ERI1: variants seen among roughly 807,000 people sequenced by gnomAD.
The protein encoded by ERI1 is 3'-5' exoribonuclease 1.
ERI1 carries 39 observed loss-of-function variants against 39.7 expected under a neutral mutation model. The ratio of observed to expected loss-of-function variants is 0.98; its 90% CI spans 0.76 to 1.28. The LOEUF (loss-of-function observed/expected upper bound fraction) is 1.28, where lower values mean the gene tolerates loss of function less well. Ranked by LOEUF, ERI1 falls within the 50% of genes most tolerant of loss-of-function variation. The pLI is 0.00. For synonymous variants in ERI1, 204 were observed against 149.6 expected (o/e 1.36, Z -2.65); for missense variants, 581 against 416.9 (o/e 1.39, Z -3.43).
downstream of ERI1, among the ~76,000 whole-genome samples, chr8:9,038,108 G>A (rs905480061): frequency 6.6e-6 from 1 of 152,060 alleles, no homozygotes; most frequent in African/African-American, 2.4e-5. Flanking sequence ...AAACAAAACA[G>A]GCTTCATTAT....
chr8:9,051,446 C>G (rs1192992146), intron 3 of ERI1, among the ~76,000 whole-genome samples: 2 of 152,050 alleles, frequency 1.3e-5, no homozygotes, highest in Middle Eastern at 3.2e-3. Flanking sequence ...CCCTTGAGGT[C>G]AGGAGTTCGA....
intron 3 of ERI1, chr8:9,062,909 G>C (rs895573681): frequency 3.9e-5 from 6 of 152,098 alleles, no homozygotes; most frequent in Non-Finnish European, 7.3e-5. Flanking sequence ...GCAAGCTCCT[G>C]GGGGAGGAGG....
Position 9,002,954 on chromosome 8 carries a change from A to G in ERI1, c.-110A>G. 2.5e-6 allele frequency: 2 copies of G among 786,392 alleles called. No individual in the cohort carries two copies. The highest frequency in any genetic ancestry group is 3.4e-6 in the Non-Finnish European group (2 of 580,342). 48.7% of individuals were successfully genotyped at this position (786,392 alleles called of 1,614,324 possible). A position where few individuals can be genotyped will look rare whatever the true frequency, so the allele number is the denominator to read the frequency against. ...AGTTTGTGTGGCCGCCGCCGCGGGA[A>G]CGCGAGCCCGGTAATTTTTCAACGG... is the stretch of plus-strand genomic sequence containing the variant. On this transcript the variant is annotated 5_prime_UTR_variant, in exon 1 of 7. Transcript: ENST00000250263.
intron 6 of ERI1, among the ~76,000 whole-genome samples, chr8:9,027,136 G>GGTGTGTGTGTGTGTGTGTGTGTGTGT (rs780775904): frequency 7.3e-6 from 1 of 137,502 alleles, no homozygotes; most frequent in African/African-American, 2.8e-5. Flanking sequence ...GTTATTTTCT[G>GGTGTGTGTGTGTGTGTGTGTGTGTGT]GTGTGTGTGT....
At chr8:9,063,643 G>T (rs566301127) in intron 3 of ERI1, among the ~76,000 whole-genome samples, 1 of 152,118 alleles carries the variant, frequency 6.6e-6, no homozygotes, top group Non-Finnish European at 1.5e-5. Flanking sequence ...TGAGTTGCAT[G>T]GGGAACAGAG....
chr8:9,044,060 C>G (rs1227947723), intron 3 of ERI1, among the ~76,000 whole-genome samples: 1 of 152,144 alleles, frequency 6.6e-6, no homozygotes, highest in East Asian at 1.9e-4. Context: ...GTTACTTAAC[C>G]TTTATGAGCT....
chr8:9,052,140 C>T (rs942722134), intron 3 of ERI1, among the ~76,000 whole-genome samples: 1 of 152,144 alleles, frequency 6.6e-6, no homozygotes, highest in Non-Finnish European at 1.5e-5. Context: ...TTTGTGTTAG[C>T]TCTTATTACA....
At chr8:9,019,482 C>A (rs989538040) in intron 5 of ERI1, among the ~76,000 whole-genome samples, 3 of 152,180 alleles carry the variant, frequency 2.0e-5, no homozygotes, top group African/African-American at 7.2e-5. Context: ...GTATAGTATA[C>A]GCAGTTCTGG....
intron 3 of ERI1, among the ~76,000 whole-genome samples, chr8:9,038,428 T>TAC (rs1217545525): frequency 2.6e-5 from 4 of 152,240 alleles, no homozygotes; most frequent in African/African-American, 9.6e-5. Flanking sequence ...TCATTGATCA[T>TAC]ACTATCATAC....
At chr8:9,042,193 G>A (rs1003870123) in intron 3 of ERI1, among the ~76,000 whole-genome samples, 1 of 152,156 alleles carries the variant, frequency 6.6e-6, no homozygotes, top group South Asian at 2.1e-4. Context: ...GAAAAGAGAA[G>A]GAACTTGGAG....
chr8:9,095,491 G>GTTGT (rs79253861), intron 3 of ERI1, among the ~76,000 whole-genome samples: 94,898 of 149,540 alleles, frequency 0.63, 30,605 homozygotes, highest in Non-Finnish European at 0.72. Flanking sequence ...TTTTGTTGTT[G>GTTGT]TTGTTTGTTT....
intron 6 of ERI1, among the ~76,000 whole-genome samples, chr8:9,027,190 C>G (rs998628317): frequency 4.3e-5 from 6 of 138,558 alleles, no homozygotes; most frequent in African/African-American, 1.3e-4. Context: ...TATGGCCATT[C>G]TAATGGGTGT....
At chr8:9,076,958 A>G (rs1799229321) in intron 3 of ERI1, among the ~76,000 whole-genome samples, 1 of 152,246 alleles carries the variant, frequency 6.6e-6, no homozygotes, top group Non-Finnish European at 1.5e-5. Flanking sequence ...ATGGGAATAA[A>G]ACCAAAGGTG....
intron 3 of ERI1, among the ~76,000 whole-genome samples, chr8:9,088,725 C>T (rs1458366574): frequency 6.6e-6 from 1 of 152,238 alleles, no homozygotes; most frequent in Admixed American, 6.5e-5. Flanking sequence ...ACTTCCTTTT[C>T]ACCAGCTGAG....
intron 3 of ERI1, among the ~76,000 whole-genome samples, chr8:9,042,498 A>C (rs1196168905): frequency 6.6e-6 from 1 of 152,156 alleles, no homozygotes; most frequent in Non-Finnish European, 1.5e-5. Flanking sequence ...GTGTCACTCA[A>C]GTCAGGGAAC....
chr8:9,098,596 A>T (rs1310506170), intron 3 of ERI1, among the ~76,000 whole-genome samples: 2 of 152,224 alleles, frequency 1.3e-5, no homozygotes, highest in South Asian at 4.1e-4. Context: ...GGTGAGGGAT[A>T]AAAAGACTAC....
chr8:9,067,923 T>TAC (rs34870760), intron 3 of ERI1, among the ~76,000 whole-genome samples: 6,916 of 149,644 alleles, frequency 0.046, 451 homozygotes, highest in African/African-American at 0.15. Context: ...ATGCTACAAA[T>TAC]ACACACACAC....
At chr8:9,008,423 AT>A (rs1456223506) in intron 2 of ERI1, among the ~76,000 whole-genome samples, 2 of 152,118 alleles carry the variant, frequency 1.3e-5, no homozygotes, top group Non-Finnish European at 2.9e-5. Flanking sequence ...AGTGTTTTAA[AT>A]TTTTTTAGTT....
chr8:9,023,757 T>C (rs945804631), intron 6 of ERI1, among the ~76,000 whole-genome samples: 4 of 151,630 alleles, frequency 2.6e-5, no homozygotes, highest in African/African-American at 4.8e-5. Flanking sequence ...TATTATATGG[T>C]ATGTCTAAAA....
Sources: allele counts gnomAD v4.1 joint callset (sites outside exome capture counted in the v4.1 genomes callset), GRCh38; gene constraint gnomAD v4.1.1; transcripts MANE v1.5; gene names NCBI Gene and HGNC (gene_info 2026-07-23, HGNC 2026-07-21).